The following TTC21B variants were observed in gnomAD, a reference collection of about 807,000 sequenced individuals.
TTC21B encodes tetratricopeptide repeat protein 21B.
A neutral mutation model predicts 175.1 loss-of-function variants in TTC21B; 127 were observed. The observed-to-expected ratio is 0.73, with a 90% CI of 0.63 to 0.84. The LOEUF is 0.84. Ranked by LOEUF, TTC21B falls within the 40% of genes least tolerant of loss-of-function variation. The pLI, the probability that TTC21B is intolerant of heterozygous loss-of-function variation, is 0.00. For missense variants in TTC21B, 1,561 were observed against 1,558.3 expected, an observed-to-expected ratio of 1.00 and a Z score of -0.03; for synonymous variants, 524 against 524.5, an observed-to-expected ratio of 1.00 and a Z score of 0.01.
intron 5 of TTC21B, among the ~76,000 whole-genome samples, chr2:165,942,307 CA>C (rs1485744640): frequency 1.0e-4 from 15 of 150,414 alleles, no homozygotes; most frequent in Admixed American, 9.9e-4. Context: ...TTTGCTGAGT[CA>C]AAAAAAAATT....
intron 17 of TTC21B, among the ~76,000 whole-genome samples, chr2:165,911,754 C>A (rs941810993): frequency 6.6e-6 from 1 of 151,880 alleles, no homozygotes; most frequent in Non-Finnish European, 1.5e-5. Context: ...CCTCTGCCTT[C>A]CAAGTTCAAG....
In TTC21B at chr2:165,890,410, G is replaced by C. The variant is rs988655322; in HGVS notation, c.3263+69C>G. 4.1e-6 allele frequency: 6 copies of C among 1,462,508 alleles called. No individual in the cohort carries two copies. The African/African-American group carries it at 4.2e-5, about 10-fold the overall frequency. 90.6% of individuals were successfully genotyped at this position (1,462,508 alleles called of 1,614,324 possible). A position where few individuals can be genotyped will look rare whatever the true frequency, so the allele number is the denominator to read the frequency against. ...TTGCTATCCTAAATTTAGTTCTTTT[G>C]TATAGTATCCCTGTTTATTATCTCC... On this transcript the variant is annotated intron_variant, in intron 24 of 28. Coordinates refer to ENST00000243344, the MANE Select transcript of TTC21B (RefSeq NM_024753.5).
chr2:165,912,045 T>C (rs374766053), intron 17 of TTC21B, among the ~76,000 whole-genome samples: 7 of 152,228 alleles, frequency 4.6e-5, no homozygotes, highest in East Asian at 1.9e-4. Flanking sequence ...ATGAGGCCAG[T>C]GAACCTTATC....
rs1684661959 is a variant in TTC21B at position 165,876,251 on chromosome 2, T to C, written c.3806-19A>G. On this transcript the variant is annotated intron_variant, in intron 27 of 28. Coordinates refer to ENST00000243344, the MANE Select transcript of TTC21B (RefSeq NM_024753.5). ...TTGTATCCTGTTAAGACAAAAACCATAAAACAGAATGATGGAGTACACTGC... is the reference window on the plus strand; with the variant it reads ...TTGTATCCTGTTAAGACAAAAACCACAAAACAGAATGATGGAGTACACTGC... 2 of 1,449,262 alleles carry C rather than the reference T, an allele frequency of 1.4e-6. No homozygotes were observed. Among genetic ancestry groups the C allele is most frequent in the Non-Finnish European group, 1.9e-6 (2 of 1,031,098 alleles). The allele number at this position is 1,449,262 out of a possible 1,614,324, so 89.8% of individuals were successfully genotyped here. A position where few individuals can be genotyped will look rare whatever the true frequency, so the allele number is the denominator to read the frequency against.
Position 165,911,339 on chromosome 2 carries a change from C to G in TTC21B, c.2449G>C (p.Ala817Pro). Residue 817 changes from alanine to proline, a missense_variant, in exon 18 of 29, where the codon GCT (alanine) becomes CCT (proline). Physicochemically the swap from Ala to Pro is conservative, Grantham distance 27. Coordinates refer to ENST00000243344, the MANE Select transcript of TTC21B (RefSeq NM_024753.5). ...AAGACTTTCATACCAGGTTCATGAG[C>G]CAGAGCATGCTGAAGAACTTTTTCT... The part of the protein sequence containing the change: ...KAEKVLQHAL[A>P]HEPVNELSAL... 1.2e-6 allele frequency: 2 copies of G among 1,613,754 alleles called. No homozygotes were observed. The highest frequency in any genetic ancestry group is 1.7e-6 in the Non-Finnish European group (2 of 1,179,866).
At chr2:165,918,368 C>A (rs1686258027) in intron 13 of TTC21B, among the ~76,000 whole-genome samples, 1 of 152,130 alleles carries the variant, frequency 6.6e-6, no homozygotes, top group South Asian at 2.1e-4. Flanking sequence ...GATCTCAGCT[C>A]ACTGCAAGCG....
At chr2:165,933,275 A>C (rs1463641463) in intron 6 of TTC21B, among the ~76,000 whole-genome samples, 1 of 152,204 alleles carries the variant, frequency 6.6e-6, no homozygotes, top group African/African-American at 2.4e-5. Flanking sequence ...AAAAGATATG[A>C]ATAGATTATA....
chr2:165,941,081 A>C lies in TTC21B; in HGVS notation c.656T>G (p.Met219Arg). 1.9e-6 allele frequency: 3 copies of C among 1,613,904 alleles called. No individual in the cohort carries two copies. The highest frequency in any genetic ancestry group is 2.5e-6 in the Non-Finnish European group (3 of 1,179,864). The part of the protein sequence containing the change: ...PSFLPAFVKK[M>R]KLQLALQDWD... ...ATCCTGCAAGGCTAGTTGTAATTTC[A>C]TTTTCTTAACAAAAGCAGGAAGGAA... Residue 219 changes from methionine (M) to arginine (R), a missense_variant, in exon 6 of 29, where the codon ATG (methionine) becomes AGG (arginine). Coordinates refer to ENST00000243344, the MANE Select transcript of TTC21B (RefSeq NM_024753.5).
At chr2:165,929,037 G>A (rs1329506411) in intron 11 of TTC21B, 98 bp downstream of exon 11, 1 of 1,072,904 alleles carries the variant, frequency 9.3e-7, no homozygotes, top group African/African-American at 1.6e-5. Flanking sequence ...ACCATTTTAA[G>A]ATGCCGATAT....
intron 22 of TTC21B, among the ~76,000 whole-genome samples, chr2:165,894,836 T>C (rs369029279): frequency 6.6e-6 from 1 of 152,286 alleles, no homozygotes; most frequent in South Asian, 2.1e-4. Flanking sequence ...TACAGTGTAA[T>C]AAAGAACACA....
intron 8 of TTC21B, among the ~76,000 whole-genome samples, chr2:165,931,284 G>T (rs867009455): frequency 2.0e-5 from 3 of 151,842 alleles, no homozygotes; most frequent in African/African-American, 7.3e-5. Context: ...AGATTCTACT[G>T]TATTTTTCTA....
intron 27 of TTC21B, among the ~76,000 whole-genome samples, chr2:165,877,417 T>C (rs12995994): frequency 0.019 from 2,896 of 152,318 alleles, 45 homozygotes; most frequent in Non-Finnish European, 0.028. Context: ...ACATACATGA[T>C]GGTGGTCCCA....
chr2:165,923,485 C>T (rs1464323431), intron 12 of TTC21B, among the ~76,000 whole-genome samples: 1 of 145,298 alleles, frequency 6.9e-6, no homozygotes, highest in Non-Finnish European at 1.5e-5. Flanking sequence ...CTCACTCTGT[C>T]ACCCAGGCTG....
chr2:165,884,022 T>C lies in TTC21B; in HGVS notation c.3460-4A>G. ...AGAGCGCTGGGATATGCTCCTTCTA[T>C]AAGAAAACAAAATTTTAGACCATAA... On this transcript the variant is annotated splice_region_variant and splice_polypyrimidine_tract_variant and intron_variant, in intron 25 of 28. Transcript: ENST00000243344. The C allele has an allele frequency of 1.2e-6, 2 of 1,613,406 alleles. No homozygotes were observed. The highest frequency in any genetic ancestry group is 1.7e-6 in the Non-Finnish European group (2 of 1,179,554).
intron 3 of TTC21B, chr2:165,947,583 A>G (rs1687627748): frequency 6.6e-6 from 1 of 152,298 alleles, no homozygotes; most frequent in Non-Finnish European, 1.5e-5. Flanking sequence ...ACCACCAGGC[A>G]GAAGCAGGCA....
chr2:165,941,688 G>C (rs993914687), intron 5 of TTC21B, among the ~76,000 whole-genome samples: 2 of 151,838 alleles, frequency 1.3e-5, no homozygotes, highest in Non-Finnish European at 2.9e-5. Flanking sequence ...GAAATAATTG[G>C]ACAAGACCAC....
chr2:165,929,840 T>C (rs1390461642), intron 9 of TTC21B, 93 bp from the exon 10 acceptor site: 4 of 850,572 alleles, frequency 4.7e-6, no homozygotes, highest in Non-Finnish European at 8.0e-6. Flanking sequence ...AAACACCCTT[T>C]CCCCCATCAC....
chr2:165,910,304 G>A (rs1442271136), intron 18 of TTC21B, among the ~76,000 whole-genome samples: 1 of 152,124 alleles, frequency 6.6e-6, no homozygotes, highest in African/African-American at 2.4e-5. Flanking sequence ...TAGGGAGGCT[G>A]AGGCAGGAGA....
chr2:165,889,310 T>G (rs1446178955), intron 24 of TTC21B, among the ~76,000 whole-genome samples: 2 of 152,154 alleles, frequency 1.3e-5, no homozygotes, highest in African/African-American at 4.8e-5. Context: ...TAGTTCTCTT[T>G]TCACCATGCT....
Sources: allele counts gnomAD v4.1 joint callset (sites outside exome capture counted in the v4.1 genomes callset), GRCh38; gene constraint gnomAD v4.1.1; transcripts MANE v1.5; gene names NCBI Gene and HGNC (gene_info 2026-07-23, HGNC 2026-07-21).